Variants in ULK4 observed in about 807,000 individuals in gnomAD.
The protein encoded by ULK4 is unc-51 like kinase 4, also known as inactive serine/threonine-protein kinase ULK4.
Under a neutral mutation model 160.6 loss-of-function variants are expected in ULK4, and 133 were observed. The ratio of observed to expected loss-of-function variants is 0.83; its 90% CI spans 0.72 to 0.96. The LOEUF is 0.96. ULK4 is among the 40% of genes least tolerant of loss of function. The pLI is 0.00. For missense variants in ULK4, 1,580 were observed against 1,499.5 expected, an observed-to-expected ratio of 1.05 and a Z score of -0.89; for synonymous variants, 534 against 539.8, an observed-to-expected ratio of 0.99 and a Z score of 0.15.
intron 35 of ULK4, chr3:41,278,236 G>T (rs902931908): frequency 1.3e-5 from 2 of 152,424 alleles, no homozygotes; most frequent in African/African-American, 2.4e-5. Flanking sequence ...CAGCCCGGTT[G>T]GGGGAGGGGT....
chr3:41,421,365 C>G (rs948911507), intron 34 of ULK4, among the ~76,000 whole-genome samples: 5 of 152,134 alleles, frequency 3.3e-5, no homozygotes, highest in Non-Finnish European at 4.4e-5. Context: ...TGGCATTCTT[C>G]TCTTGCAATT....
chr3:41,886,777 T>C (rs1697737628), intron 16 of ULK4, among the ~76,000 whole-genome samples: 2 of 152,214 alleles, frequency 1.3e-5, no homozygotes, highest in South Asian at 4.1e-4. Flanking sequence ...GGTTTCACCA[T>C]GTTGGCCAGG....
intron 35 of ULK4, among the ~76,000 whole-genome samples, chr3:41,334,022 C>G (rs1395712996): frequency 6.6e-6 from 1 of 152,080 alleles, no homozygotes; most frequent in Non-Finnish European, 1.5e-5. Flanking sequence ...AATAAAAGTT[C>G]ACAGGACAGG....
At chr3:41,353,693 TTAC>T (rs1423862828) in intron 35 of ULK4, among the ~76,000 whole-genome samples, 3,763 of 115,012 alleles carry the variant, frequency 0.033, 105 homozygotes, top group East Asian at 0.15. Flanking sequence ...ATAATAATAA[TTAC>T]AATTACTACT....
chr3:41,634,098 G>T (rs916657783), intron 30 of ULK4, among the ~76,000 whole-genome samples: 11 of 152,242 alleles, frequency 7.2e-5, no homozygotes, highest in Non-Finnish European at 1.6e-4. Flanking sequence ...AAAGGGAGCT[G>T]GGATGTGGCT....
intron 34 of ULK4, among the ~76,000 whole-genome samples, chr3:41,439,876 A>C (rs1334913162): frequency 1.3e-5 from 2 of 152,170 alleles, no homozygotes; most frequent in Non-Finnish European, 2.9e-5. Flanking sequence ...ATCTCTCCAC[A>C]TATGTAGAAG....
intron 23 of ULK4, among the ~76,000 whole-genome samples, chr3:41,716,010 G>A (rs2037252864): frequency 1.3e-5 from 2 of 151,472 alleles, no homozygotes; most frequent in Non-Finnish European, 1.5e-5. Flanking sequence ...TCAGGAGATC[G>A]AGACCATCCT....
chr3:41,787,284 A>G (rs7615928), intron 21 of ULK4, among the ~76,000 whole-genome samples: 26,279 of 152,002 alleles, frequency 0.17, 5,777 homozygotes, highest in African/African-American at 0.51. Flanking sequence ...ATGCTGTACA[A>G]TGTTTCCCCA....
intron 2 of ULK4, among the ~76,000 whole-genome samples, chr3:41,943,003 G>A (rs1210193671): frequency 6.6e-6 from 1 of 151,984 alleles, no homozygotes; most frequent in Non-Finnish European, 1.5e-5. Context: ...CACGAGGTAA[G>A]GAGATCAAGA....
At chr3:41,905,068 C>T (rs1421257504) in intron 12 of ULK4, among the ~76,000 whole-genome samples, 1 of 152,164 alleles carries the variant, frequency 6.6e-6, no homozygotes, top group Non-Finnish European at 1.5e-5. Flanking sequence ...TTGGAGGATT[C>T]ATACTTTCTG....
chr3:41,394,957 C>A (rs1057070613), intron 35 of ULK4, among the ~76,000 whole-genome samples: 13 of 151,964 alleles, frequency 8.6e-5, no homozygotes, highest in African/African-American at 3.1e-4. Flanking sequence ...TCACAGGTAC[C>A]CTCCAGAAGA....
chr3:41,526,032 T>C (rs2086104418), intron 32 of ULK4, among the ~76,000 whole-genome samples: 4 of 152,218 alleles, frequency 2.6e-5, no homozygotes. Flanking sequence ...CCAGTGATAT[T>C]AACATTCCCT....
intron 12 of ULK4, among the ~76,000 whole-genome samples, chr3:41,903,830 A>G (rs1317296117): frequency 6.6e-6 from 1 of 152,154 alleles, no homozygotes. Flanking sequence ...TTGTTTCAAA[A>G]TGAACACATA....
chr3:41,816,668 C>A (rs2040973513), intron 19 of ULK4, among the ~76,000 whole-genome samples: 1 of 151,958 alleles, frequency 6.6e-6, no homozygotes, highest in African/African-American at 2.4e-5. Flanking sequence ...AAAAATTAGC[C>A]AGGCATAGTA....
chr3:41,817,066 CTG>C (rs55996693), intron 19 of ULK4, among the ~76,000 whole-genome samples: 5,769 of 147,384 alleles, frequency 0.039, 254 homozygotes, highest in African/African-American at 0.11. Context: ...TGTGGGGAAA[CTG>C]TGTGTGTGTG....
intron 35 of ULK4, among the ~76,000 whole-genome samples, chr3:41,370,892 T>A (rs141286696): frequency 9.2e-5 from 14 of 152,334 alleles, no homozygotes; most frequent in African/African-American, 3.4e-4. Flanking sequence ...TAAGATCCAC[T>A]GGCTTGAAAT....
chr3:41,727,364 G>A (rs995690894), intron 22 of ULK4, among the ~76,000 whole-genome samples: 1 of 152,174 alleles, frequency 6.6e-6, no homozygotes, highest in African/African-American at 2.4e-5. Flanking sequence ...GTATATTCAA[G>A]TCCAATGAAA....
chr3:41,439,815 G>T (rs927320913), intron 34 of ULK4, among the ~76,000 whole-genome samples: 1 of 152,106 alleles, frequency 6.6e-6, no homozygotes, highest in Non-Finnish European at 1.5e-5. Context: ...TCAATTTTGG[G>T]AGAACTAGCA....
intron 22 of ULK4, among the ~76,000 whole-genome samples, chr3:41,744,824 C>T (rs2038364745): frequency 6.6e-6 from 1 of 151,710 alleles, no homozygotes; most frequent in Admixed American, 6.6e-5. Flanking sequence ...CAAGACAAAC[C>T]TCAACAAATT....
Sources: allele counts gnomAD v4.1 joint callset (sites outside exome capture counted in the v4.1 genomes callset), GRCh38; gene constraint gnomAD v4.1.1; transcripts MANE v1.5; gene names NCBI Gene and HGNC (gene_info 2026-07-23, HGNC 2026-07-21).